Variants in RAP1GAP observed in about 807,000 individuals in gnomAD.
RAP1GAP encodes rap1 GTPase-activating protein 1.
A neutral mutation model predicts 87.2 loss-of-function variants in RAP1GAP; 35 were observed. The ratio of observed to expected loss-of-function variants is 0.40; its 90% CI spans 0.31 to 0.53. The LOEUF (loss-of-function observed/expected upper bound fraction) is 0.53. Among genes scored for constraint, RAP1GAP ranks in the 20% least tolerant of loss-of-function variants. RAP1GAP has a pLI of 0.48. For synonymous variants in RAP1GAP, 375 were observed against 363.9 expected (o/e 1.03, Z -0.35); for missense variants, 734 against 898.9 (o/e 0.82, Z 2.35).
In RAP1GAP at chr1:21,598,077, G is replaced by T. The variant is rs1194829447; in HGVS notation, c.1880-13C>A. ...GATCGAGAGGGGCCTGGGGAGGGGG[G>T]CAGGAGGGAGCCACCTCACTGGCCG... is the stretch of plus-strand genomic sequence containing the variant. On this transcript the variant is annotated splice_polypyrimidine_tract_variant and intron_variant, in intron 22 of 24. Coordinates refer to ENST00000374765, the MANE Select transcript of RAP1GAP (RefSeq NM_002885.4). The T allele has an allele frequency of 2.2e-6, 3 of 1,354,546 alleles. No homozygotes were observed. The highest frequency in any genetic ancestry group is 3.1e-6 in the Non-Finnish European group (3 of 982,018). The allele number at this position is 1,354,546 out of a possible 1,614,324, so 83.9% of individuals were successfully genotyped here.
chr1:21,632,064 A>G (rs1182794161), intron 2 of RAP1GAP, among the ~76,000 whole-genome samples: 1 of 152,220 alleles, frequency 6.6e-6, no homozygotes, highest in Non-Finnish European at 1.5e-5. Flanking sequence ...TGACCCGCCC[A>G]AGGTCACATG....
At chr1:21,601,837 G>A (rs1440260492) in intron 19 of RAP1GAP, 40 bp from the exon 20 acceptor site, 5 of 1,457,830 alleles carry the variant, frequency 3.4e-6, no homozygotes, top group Non-Finnish European at 4.7e-6. Context: ...TTCAGCACCA[G>A]GCCTGGCATC....
Position 21,615,978 on chromosome 1 carries a change from G to A in RAP1GAP, c.291+1328C>T, listed in dbSNP as rs1318662377. Reference sequence around the variant, plus strand: ...GGTTCTGGGTTTGTTCCCAGGCAAAGGCTCCTGAACCTGGGCTTGCTGGTT... The same window carrying A: ...GGTTCTGGGTTTGTTCCCAGGCAAAAGCTCCTGAACCTGGGCTTGCTGGTT... On this transcript the variant is annotated intron_variant, in intron 7 of 24. Coordinates refer to ENST00000374765, the MANE Select transcript of RAP1GAP (RefSeq NM_002885.4). The surrounding 1 kb of genome is among the most constrained non-coding windows in gnomAD (Gnocchi z 4.5). 1.3e-5 allele frequency among the ~76,000 whole-genome samples: 2 copies of A among 152,146 alleles called. No individual in the cohort carries two copies. Among genetic ancestry groups the A allele is most frequent in the Non-Finnish European group, 2.9e-5 (2 of 68,046 alleles).
At chr1:21,654,498 G>C (rs1461710309) in intron 1 of RAP1GAP, among the ~76,000 whole-genome samples, 1 of 152,266 alleles carries the variant, frequency 6.6e-6, no homozygotes, top group Non-Finnish European at 1.5e-5. Flanking sequence ...AAAGCACTGA[G>C]AAGAGTAGAG....
intron 18 of RAP1GAP, among the ~76,000 whole-genome samples, chr1:21,605,017 CTAGA>C (rs2073300685): frequency 1.5e-5 from 1 of 65,668 alleles, no homozygotes; most frequent in Non-Finnish European, 3.0e-5. Context: ...GGGTGGATAG[CTAGA>C]TGGGTGGATG....
intron 2 of RAP1GAP, among the ~76,000 whole-genome samples, chr1:21,629,307 CT>C (rs1355496214): frequency 3.3e-5 from 5 of 152,124 alleles, no homozygotes; most frequent in African/African-American, 1.2e-4. Context: ...CAGCGGTGCC[CT>C]TCTGTCTTCC....
chr1:21,609,738 C>T lies in RAP1GAP; in HGVS notation c.1000-92G>A, dbSNP rs528685800. ...ACCCCTACTGTGCCTCCCTGGACTG[C>T]CCCTTGGTCGGGGAGACCCAGTGAC... On this transcript the variant is annotated intron_variant, in intron 14 of 24. Transcript: ENST00000374765. The surrounding 1 kb of genome is among the most constrained non-coding windows in gnomAD (Gnocchi z 4.4). 9 of 976,158 alleles carry T rather than the reference C, an allele frequency of 9.2e-6. No homozygotes were observed. The East Asian group carries it at 1.1e-4, about 12-fold the overall frequency. The allele number at this position is 976,158 out of a possible 1,614,324, so 60.5% of individuals were successfully genotyped here. A position where few individuals can be genotyped will look rare whatever the true frequency, so the allele number is the denominator to read the frequency against.
At position 21,603,200 on chromosome 1, in the gene RAP1GAP, C is replaced by G. The variant is rs185883324; in HGVS notation, c.1429-287G>C. 4.8e-5 allele frequency: 21 copies of G among 441,274 alleles called. No homozygotes were observed. Among genetic ancestry groups the G allele is most frequent in the African/African-American group, 4.2e-4 (21 of 50,322 alleles). The allele number at this position is 441,274 out of a possible 1,614,324, so 27.3% of individuals were successfully genotyped here. On this transcript the variant is annotated intron_variant, in intron 18 of 24. Transcript: ENST00000374765. The surrounding 1 kb of genome is among the most constrained non-coding windows in gnomAD (Gnocchi z 6.0). ...GGGCTAGGGTGGGAGGAGGCCGAGT[C>G]CTCAGAATGGCTACCGCTCCCCGCC...
At chr1:21,640,970 T>A (rs1179011015) in intron 2 of RAP1GAP, among the ~76,000 whole-genome samples, 1 of 151,758 alleles carries the variant, frequency 6.6e-6, no homozygotes, top group Non-Finnish European at 1.5e-5. Flanking sequence ...TGCGGTGGTG[T>A]GATCTCGGCT....
At chr1:21,647,276 C>T (rs2096145321) in intron 2 of RAP1GAP, among the ~76,000 whole-genome samples, 2 of 152,120 alleles carry the variant, frequency 1.3e-5, no homozygotes, top group South Asian at 2.1e-4. Flanking sequence ...GACTGGCCAA[C>T]ATGGTGAGAC....
intron 2 of RAP1GAP, among the ~76,000 whole-genome samples, chr1:21,644,455 C>G (rs2095833634): frequency 6.6e-6 from 1 of 152,160 alleles, no homozygotes; most frequent in African/African-American, 2.4e-5. Context: ...CCTCCCCAGC[C>G]CTAAACCAGG....
intron 5 of RAP1GAP, 120 bp downstream of exon 5, chr1:21,618,905 C>CA (rs1278145266): frequency 8.5e-7 from 1 of 1,180,304 alleles, no homozygotes; most frequent in East Asian, 2.6e-5. Flanking sequence ...CCGCACCTGG[C>CA]ACACTGTAAG....
chr1:21,661,159 C>A (rs2097140547), intron 1 of RAP1GAP, among the ~76,000 whole-genome samples: 1 of 150,734 alleles, frequency 6.6e-6, no homozygotes, highest in East Asian at 2.0e-4. Flanking sequence ...GGCTGAGGCA[C>A]AAGAATCGCT....
chr1:21,620,320 G>C (rs2086088252), intron 3 of RAP1GAP, among the ~76,000 whole-genome samples: 1 of 152,202 alleles, frequency 6.6e-6, no homozygotes, highest in Admixed American at 6.5e-5. Flanking sequence ...CTGACGGGCT[G>C]CTACCCTTGG....
chr1:21,613,359 G>A lies in RAP1GAP; in HGVS notation c.475-130C>T, dbSNP rs2079665896. On this transcript the variant is annotated intron_variant, in intron 9 of 24. Coordinates refer to ENST00000374765, the MANE Select transcript of RAP1GAP (RefSeq NM_002885.4). This position sits in a 1 kb window ranked among gnomAD's most constrained non-coding sequence, Gnocchi z 4.7. The stretch of plus-strand genomic sequence containing the variant: ...AATGGCCAAGGCTAAAGCAGGACTC[G>A]GGGTTCACTGTTGCTCAGGGAACGG... The A allele has an allele frequency of 5.6e-6, 5 of 885,252 alleles. No homozygotes were observed. The highest frequency in any genetic ancestry group is 1.6e-5 in the African/African-American group (1 of 60,700). The allele number at this position is 885,252 out of a possible 1,614,324, so 54.8% of individuals were successfully genotyped here.
chr1:21,612,997 G>T, intron 10 of RAP1GAP, 179 bp downstream of exon 10: 1 of 681,060 alleles, frequency 1.5e-6, no homozygotes. Context: ...CACCCTGGGG[G>T]AAGGCACAGG....
rs572821794 is a variant in RAP1GAP, at chr1:21,610,292, G to A, written c.844-17C>T. 2.5e-4 allele frequency: 396 copies of A among 1,613,610 alleles called. 4 individuals carry two copies. The highest frequency in any genetic ancestry group is 2.0e-3 in the South Asian group (184 of 91,070). ...CCGCTGCAACTGAGCACAAAGCCACGGGCCTTCGTGGTCTGGCCAGAGGGG... is the reference window on the plus strand; with the variant it reads ...CCGCTGCAACTGAGCACAAAGCCACAGGCCTTCGTGGTCTGGCCAGAGGGG... On this transcript the variant is annotated splice_polypyrimidine_tract_variant and intron_variant, in intron 13 of 24. Coordinates refer to ENST00000374765, the MANE Select transcript of RAP1GAP (RefSeq NM_002885.4).
chr1:21,657,616 C>T (rs2096916626), intron 1 of RAP1GAP, among the ~76,000 whole-genome samples: 1 of 152,226 alleles, frequency 6.6e-6, no homozygotes, highest in African/African-American at 2.4e-5. Flanking sequence ...CCATCTCCTA[C>T]CTCCACTGCT....
In RAP1GAP at chr1:21,615,178, G is replaced by A. The variant is rs2081205737; in HGVS notation, c.292-1089C>T. The stretch of plus-strand genomic sequence containing the variant: ...TCCTTGGACACCCCCAAGCCCAGAG[G>A]AGCCCCCGGGACACAGTGGGAGAGC... On this transcript the variant is annotated intron_variant, in intron 7 of 24. Transcript: ENST00000374765. The surrounding 1 kb of genome is among the most constrained non-coding windows in gnomAD (Gnocchi z 4.5). Among the ~76,000 whole-genome samples, 2 of 152,166 alleles carry A rather than the reference G, an allele frequency of 1.3e-5. No individual in the cohort carries two copies. The highest frequency in any genetic ancestry group is 2.9e-5 in the Non-Finnish European group (2 of 68,018).
Sources: allele counts gnomAD v4.1 joint callset (sites outside exome capture counted in the v4.1 genomes callset), GRCh38; gene constraint gnomAD v4.1.1; non-coding constraint Gnocchi (gnomAD v3.1); transcripts MANE v1.5; gene names NCBI Gene and HGNC (gene_info 2026-07-23, HGNC 2026-07-21).